Variants in CCDC178 observed in about 807,000 individuals in gnomAD.
CCDC178 encodes coiled-coil domain-containing protein 178.
Under a neutral mutation model 117.4 loss-of-function variants are expected in CCDC178, and 126 were observed. The observed-to-expected ratio is 1.07, with a 90% CI of 0.93 to 1.24. The LOEUF (loss-of-function observed/expected upper bound fraction) is 1.24. Ranked by LOEUF, CCDC178 falls within the 50% of genes most tolerant of loss-of-function variation. CCDC178 has a pLI of 0.00. For missense variants in CCDC178, 1,030 were observed against 986.9 expected (o/e 1.04, Z -0.59); for synonymous variants, 283 against 313.4 (o/e 0.90, Z 1.02).
At chr18:33,279,965 A>T (rs1028560921) in intron 12 of CCDC178, among the ~76,000 whole-genome samples, 2 of 152,068 alleles carry the variant, frequency 1.3e-5, no homozygotes, top group Non-Finnish European at 2.9e-5. Context: ...GACGGATTAA[A>T]GACTTAAATA....
chr18:33,382,894 C>T (rs1057426407), intron 5 of CCDC178, among the ~76,000 whole-genome samples: 58 of 152,298 alleles, frequency 3.8e-4, no homozygotes, highest in African/African-American at 1.0e-3. Context: ...CCCACTTCCA[C>T]GGTGCCCAGC....
At chr18:33,249,897 T>G (rs1306744808) in intron 14 of CCDC178, among the ~76,000 whole-genome samples, 2 of 152,062 alleles carry the variant, frequency 1.3e-5, no homozygotes, top group Non-Finnish European at 2.9e-5. Context: ...TTCCTATCCA[T>G]GAGCATGGAA....
At chr18:33,385,744 C>T (rs1025777475) in intron 5 of CCDC178, among the ~76,000 whole-genome samples, 15 of 151,900 alleles carry the variant, frequency 9.9e-5, no homozygotes, top group Non-Finnish European at 1.6e-4. Context: ...GCACTAAATG[C>T]CCACATCAAA....
At chr18:33,082,084 T>G (rs2057306333) in intron 21 of CCDC178, among the ~76,000 whole-genome samples, 1 of 152,276 alleles carries the variant, frequency 6.6e-6, no homozygotes, top group African/African-American at 2.4e-5. Flanking sequence ...AAAATTTAAC[T>G]TGTGAATTAG....
intron 20 of CCDC178, among the ~76,000 whole-genome samples, chr18:33,189,356 C>G (rs931007658): frequency 6.6e-6 from 1 of 152,032 alleles, no homozygotes; most frequent in Non-Finnish European, 1.5e-5. Flanking sequence ...GTTGCAGAAA[C>G]AAGAACAATT....
At chr18:33,118,908 G>A (rs2057896574) in intron 20 of CCDC178, among the ~76,000 whole-genome samples, 3 of 152,086 alleles carry the variant, frequency 2.0e-5, no homozygotes, top group Admixed American at 6.6e-5. Flanking sequence ...TCTGATCTTT[G>A]ACAAACCTGA....
chr18:33,245,318 G>A lies in CCDC178; in HGVS notation c.1520C>T (p.Thr507Ile). Residue 507 changes from threonine (T) to isoleucine (I), a missense_variant, in exon 15 of 23, where the codon ACT (threonine) becomes ATT (isoleucine). Transcript: ENST00000383096. ...CTTGTGTTTGGTTAGGTGGAAAAGAGTACCAATGCGATAAGCCTCCTTATA... is the reference window on the plus strand; with the variant it reads ...CTTGTGTTTGGTTAGGTGGAAAAGAATACCAATGCGATAAGCCTCCTTATA... ...NIYKEAYRIG[T>I]LFHLTKHKTD... 6.2e-7 allele frequency: 1 copy of A among 1,607,596 alleles called. No homozygotes were observed.
At chr18:33,323,169 A>G (rs944805613) in intron 11 of CCDC178, 2 of 162,208 alleles carry the variant, frequency 1.2e-5, no homozygotes, top group Admixed American at 1.3e-4. Context: ...CCCATGCTGG[A>G]TTTTTTTAAA....
At chr18:33,258,030 T>C (rs1475732992) in intron 14 of CCDC178, among the ~76,000 whole-genome samples, 4 of 152,068 alleles carry the variant, frequency 2.6e-5, no homozygotes, top group Non-Finnish European at 5.9e-5. Context: ...CCAAAACATA[T>C]CTGAATGCCC....
At chr18:33,128,638 C>T (rs1263714116) in intron 20 of CCDC178, among the ~76,000 whole-genome samples, 1 of 152,062 alleles carries the variant, frequency 6.6e-6, no homozygotes, top group Non-Finnish European at 1.5e-5. Context: ...TTAATTACTT[C>T]CCTTCAAATT....
intron 3 of CCDC178, among the ~76,000 whole-genome samples, chr18:33,403,506 G>A (rs538602700): frequency 7.4e-5 from 11 of 148,532 alleles, no homozygotes; most frequent in East Asian, 3.9e-4. Flanking sequence ...AAAAAAAACC[G>A]GACAAATGGT....
At chr18:33,407,586 T>C (rs1049939183) in intron 3 of CCDC178, among the ~76,000 whole-genome samples, 2 of 151,996 alleles carry the variant, frequency 1.3e-5, no homozygotes, top group African/African-American at 4.8e-5. Context: ...ACAAAAACAG[T>C]ATTATGAATG....
intron 2 of CCDC178, among the ~76,000 whole-genome samples, chr18:33,430,947 C>A (rs1049196805): frequency 1.3e-5 from 2 of 151,824 alleles, no homozygotes; most frequent in African/African-American, 4.8e-5. Context: ...CGGTGGTGGG[C>A]CCCTGTGGTC....
intron 14 of CCDC178, among the ~76,000 whole-genome samples, chr18:33,263,542 T>C (rs2059776269): frequency 6.6e-6 from 1 of 152,158 alleles, no homozygotes; most frequent in South Asian, 2.1e-4. Context: ...TAATTAGTTA[T>C]TTAGTAAGAA....
At chr18:33,187,684 A>G (rs1289998603) in intron 20 of CCDC178, among the ~76,000 whole-genome samples, 1 of 152,190 alleles carries the variant, frequency 6.6e-6, no homozygotes, top group Non-Finnish European at 1.5e-5. Context: ...ATAAGGCTGG[A>G]TCAGGCCAAA....
At chr18:33,423,084 T>C (rs372553910) in intron 2 of CCDC178, among the ~76,000 whole-genome samples, 3 of 152,180 alleles carry the variant, frequency 2.0e-5, no homozygotes, top group African/African-American at 7.2e-5. Context: ...CTCTCACAAT[T>C]GTATTGGTAA....
chr18:33,275,650 AGGGGAGGGGAGG>A (rs2059939121), intron 12 of CCDC178, among the ~76,000 whole-genome samples: 1 of 57,490 alleles, frequency 1.7e-5, no homozygotes, highest in Admixed American at 2.7e-4. Context: ...AGGGTAGGAA[AGGGGAGGGGAGG>A]GGGGAGGGGA....
intron 5 of CCDC178, among the ~76,000 whole-genome samples, chr18:33,381,954 A>G (rs990839783): frequency 3.3e-5 from 5 of 152,110 alleles, no homozygotes; most frequent in African/African-American, 9.7e-5. Flanking sequence ...ACAATAGCAC[A>G]TAGATATTCC....
chr18:33,206,073 T>TA (rs1435274728), intron 20 of CCDC178, among the ~76,000 whole-genome samples: 2 of 152,120 alleles, frequency 1.3e-5, no homozygotes, highest in Non-Finnish European at 2.9e-5. Context: ...CCTGGGGAGA[T>TA]AAAAAAAGTT....
Sources: gnomAD v4.1 joint callset for allele counts (sites outside exome capture counted in the v4.1 genomes callset) on GRCh38, gnomAD v4.1.1 for gene constraint, MANE v1.5 for transcripts, NCBI Gene and HGNC (gene_info 2026-07-23, HGNC 2026-07-21) for gene names.